EVA1A: variants seen among roughly 807,000 people sequenced by gnomAD.
EVA1A encodes protein eva-1 homolog A.
A neutral mutation model predicts 9.8 loss-of-function variants in EVA1A; 7 were observed. The observed-to-expected ratio is 0.71, with a 90% CI of 0.41 to 1.34. The LOEUF is 1.34. Ranked by LOEUF, EVA1A falls within the 40% of genes most tolerant of loss-of-function variation. The pLI is 0.01. For synonymous variants in EVA1A, 90 were observed against 85.6 expected, an observed-to-expected ratio of 1.05 and a Z score of -0.28; for missense variants, 206 against 205.9, an observed-to-expected ratio of 1.00 and a Z score of 0.00.
intron 3 of EVA1A, among the ~76,000 whole-genome samples, chr2:75,515,894 C>T (rs1373556994): frequency 6.6e-6 from 1 of 152,214 alleles, no homozygotes; most frequent in African/African-American, 2.4e-5. Context: ...AACACACACA[C>T]ACACACAAGA....
intron 1 of EVA1A, among the ~76,000 whole-genome samples, chr2:75,530,128 C>T (rs533142254): frequency 5.0e-4 from 76 of 152,126 alleles, no homozygotes; most frequent in African/African-American, 1.7e-3. Flanking sequence ...CACCTTTATG[C>T]GCACAGACTA....
chr2:75,544,886 T>G (rs1360421196), intron 1 of EVA1A, among the ~76,000 whole-genome samples: 4 of 152,232 alleles, frequency 2.6e-5, no homozygotes, highest in Non-Finnish European at 4.4e-5. Context: ...GTGCTATAAT[T>G]TCCAATATCT....
intron 1 of EVA1A, 72 bp downstream of exon 1, chr2:75,560,608 C>G (rs546729956): frequency 3.1e-4 from 44 of 143,316 alleles, no homozygotes; most frequent in Admixed American, 2.7e-3. Context: ...GAGGGCGCTT[C>G]GGAGAAGCCG....
chr2:75,544,991 T>C (rs1676277251), intron 1 of EVA1A, among the ~76,000 whole-genome samples: 2 of 152,198 alleles, frequency 1.3e-5, no homozygotes, highest in South Asian at 4.2e-4. Flanking sequence ...AACCCTCAAT[T>C]TCAAATTTTC....
At chr2:75,517,663 C>A in intron 3 of EVA1A, 1 of 627,372 alleles carries the variant, frequency 1.6e-6, no homozygotes, top group Non-Finnish European at 2.9e-6. Context: ...ACTCTCTCTC[C>A]CACACACACA....
chr2:75,550,607 T>A (rs1676488412), intron 1 of EVA1A, among the ~76,000 whole-genome samples: 1 of 152,244 alleles, frequency 6.6e-6, no homozygotes. Flanking sequence ...TAACAACAAG[T>A]GATAAGTCAC....
At chr2:75,545,973 T>A (rs1473466397) in intron 1 of EVA1A, among the ~76,000 whole-genome samples, 3 of 152,096 alleles carry the variant, frequency 2.0e-5, no homozygotes, top group Admixed American at 6.5e-5. Context: ...TCAAAGAGCA[T>A]TCCTGGAGAA....
At chr2:75,527,247 T>C (rs1015805381) in intron 1 of EVA1A, among the ~76,000 whole-genome samples, 17 of 152,128 alleles carry the variant, frequency 1.1e-4, no homozygotes, top group Admixed American at 9.2e-4. Flanking sequence ...TAAGAGACCA[T>C]AGCAAGAAAC....
At chr2:75,529,597 C>G (rs573741439) in intron 1 of EVA1A, among the ~76,000 whole-genome samples, 1 of 152,072 alleles carries the variant, frequency 6.6e-6, no homozygotes, top group Non-Finnish European at 1.5e-5. Context: ...CAAAAGGAAC[C>G]CTCAAAACCA....
intron 1 of EVA1A, among the ~76,000 whole-genome samples, chr2:75,533,388 C>T (rs901436806): frequency 6.6e-6 from 1 of 152,042 alleles, no homozygotes; most frequent in Non-Finnish European, 1.5e-5. Flanking sequence ...CAAAACTGCC[C>T]TTCAAGATGT....
rs190086903 is a variant in EVA1A at position 75,521,331 on chromosome 2, T to C, written c.-69+1034A>G. On this transcript the variant is annotated intron_variant, in intron 2 of 3. Coordinates refer to ENST00000393913, the MANE Select transcript of EVA1A (RefSeq NM_001135032.2). ...TTGTATGACCCAGCCATTCCACCTC[T>C]GGGTATATACTGAAAGGATTTTAAA... Among the ~76,000 whole-genome samples, 3 of 152,352 alleles carry C rather than the reference T, an allele frequency of 2.0e-5. No homozygotes were observed. In the East Asian group the frequency reaches 5.8e-4, roughly 29 times the overall value.
At chr2:75,518,275 C>T in intron 2 of EVA1A, 67 bp from the exon 3 acceptor site, 1 of 1,437,738 alleles carries the variant, frequency 7.0e-7, no homozygotes, top group Non-Finnish European at 9.2e-7. Flanking sequence ...TCCAGGTAGC[C>T]TGGACTCCTA....
At chr2:75,560,420 T>A (rs370033303) in intron 1 of EVA1A, among the ~76,000 whole-genome samples, 2 of 152,126 alleles carry the variant, frequency 1.3e-5, no homozygotes, top group Middle Eastern at 3.4e-3. Flanking sequence ...AGAGTTGTTC[T>A]ATCCAGAAAG....
chr2:75,553,548 G>A (rs1268248035), intron 1 of EVA1A, among the ~76,000 whole-genome samples: 1 of 152,210 alleles, frequency 6.6e-6, no homozygotes. Flanking sequence ...CTGGAACTGT[G>A]CCTGGCACAT....
At chr2:75,562,837 T>G (rs530342729), upstream of EVA1A, among the ~76,000 whole-genome samples, 121 of 152,334 alleles carry the variant, frequency 7.9e-4, 2 homozygotes, top group South Asian at 0.024. Flanking sequence ...GAGGTTTGTG[T>G]GCCGAGTACA....
At chr2:75,551,387 C>T (rs897800637) in intron 1 of EVA1A, among the ~76,000 whole-genome samples, 7 of 152,224 alleles carry the variant, frequency 4.6e-5, no homozygotes, top group African/African-American at 1.7e-4. Flanking sequence ...ATTTCCAAAT[C>T]CGTGAACATT....
chr2:75,516,999 G>A (rs188560779), intron 3 of EVA1A, among the ~76,000 whole-genome samples: 20 of 152,216 alleles, frequency 1.3e-4, no homozygotes, highest in Middle Eastern at 3.4e-3. Context: ...GATCTAAGAA[G>A]GCAGAGCCCT....
chr2:75,557,882 C>G (rs1241447423), intron 1 of EVA1A, among the ~76,000 whole-genome samples: 1 of 152,214 alleles, frequency 6.6e-6, no homozygotes, highest in Non-Finnish European at 1.5e-5. Flanking sequence ...GGTGGAAAAC[C>G]CAATGGACTT....
intron 1 of EVA1A, among the ~76,000 whole-genome samples, chr2:75,541,142 TG>T (rs1422098727): frequency 6.6e-6 from 1 of 152,234 alleles, no homozygotes. Flanking sequence ...GGGGATGGAC[TG>T]GGCCTTGCAT....
Sources: gnomAD v4.1 joint callset for allele counts (sites outside exome capture counted in the v4.1 genomes callset) on GRCh38, gnomAD v4.1.1 for gene constraint, MANE v1.5 for transcripts, NCBI Gene and HGNC (gene_info 2026-07-23, HGNC 2026-07-21) for gene names.